PARD3B: variants seen among roughly 807,000 people sequenced by gnomAD.
PARD3B encodes the protein par-3 family cell polarity regulator beta.
A neutral mutation model predicts 130.2 loss-of-function variants in PARD3B; 103 were observed. The ratio of observed to expected loss-of-function variants is 0.79; its 90% CI spans 0.67 to 0.93. The LOEUF (loss-of-function observed/expected upper bound fraction) is 0.93, where lower values mean the gene tolerates loss of function less well. PARD3B is among the 40% of genes least tolerant of loss of function. The pLI is 0.00. For missense variants in PARD3B, 1,609 were observed against 1,499.2 expected, an observed-to-expected ratio of 1.07 and a Z score of -1.21; for synonymous variants, 583 against 553.2, an observed-to-expected ratio of 1.05 and a Z score of -0.76.
chr2:205,254,051 A>T (rs2039967000), intron 16 of PARD3B, among the ~76,000 whole-genome samples: 1 of 148,730 alleles, frequency 6.7e-6, no homozygotes, highest in Admixed American at 6.7e-5. Flanking sequence ...GTCACGTTGG[A>T]AGACACACAG....
At chr2:204,806,125 A>AG (rs1247380539) in intron 2 of PARD3B, among the ~76,000 whole-genome samples, 2 of 151,970 alleles carry the variant, frequency 1.3e-5, no homozygotes, top group South Asian at 2.1e-4. Context: ...TCAAAAAAAT[A>AG]GGGAAAAAAA....
chr2:204,841,762 C>G (rs1031193875), intron 2 of PARD3B, among the ~76,000 whole-genome samples: 10 of 152,040 alleles, frequency 6.6e-5, no homozygotes, highest in African/African-American at 1.9e-4. Flanking sequence ...AACTTAGGAT[C>G]TTTGTCCCTT....
chr2:205,037,858 A>G (rs528639221), intron 3 of PARD3B, among the ~76,000 whole-genome samples: 1 of 152,084 alleles, frequency 6.6e-6, no homozygotes, highest in African/African-American at 2.4e-5. Flanking sequence ...TAAATTTTAC[A>G]AAATTATATA....
At chr2:205,382,973 G>A (rs2045507410) in intron 18 of PARD3B, among the ~76,000 whole-genome samples, 1 of 151,950 alleles carries the variant, frequency 6.6e-6, no homozygotes, top group Non-Finnish European at 1.5e-5. Context: ...ACTTCTCCGA[G>A]GAAGTCTGGC....
chr2:205,417,901 C>G (rs1055840117), intron 19 of PARD3B, among the ~76,000 whole-genome samples: 1 of 152,196 alleles, frequency 6.6e-6, no homozygotes, highest in African/African-American at 2.4e-5. Flanking sequence ...TTTGTGTGCA[C>G]TTGAAAATCT....
rs932585803 is a variant in PARD3B, at chr2:205,475,747, G to A, written c.3045-24149G>A. ...GTCCTGCACATTTAGTGTGAGGAGC[G>A]TTGACTCCAGAAGCCTGCTCTTTGG... On this transcript the variant is annotated intron_variant, in intron 20 of 22. Coordinates refer to ENST00000406610, the MANE Select transcript of PARD3B (RefSeq NM_001302769.2). Among the ~76,000 whole-genome samples the A allele has an allele frequency of 1.1e-4, 16 of 152,274 alleles. 1 individual carries two copies. In the East Asian group the frequency reaches 2.1e-3, roughly 20 times the overall value.
chr2:205,615,542 C>T lies in PARD3B; in HGVS notation c.3347C>T (p.Ala1116Val), dbSNP rs139455955. The T allele has an allele frequency of 2.5e-5, 40 of 1,614,174 alleles. No individual in the cohort carries two copies. The East Asian group carries it at 6.0e-4, about 24-fold the overall frequency. The part of the protein sequence containing the change: ...KERELPYYPG[A>V]HPMHPPKGSY... Reference sequence around the variant, plus strand: ...AGGGAGCTTCCCTATTATCCAGGGGCTCATCCTATGCACCCTCCCAAAGGG... The same window carrying T: ...AGGGAGCTTCCCTATTATCCAGGGGTTCATCCTATGCACCCTCCCAAAGGG... The change falls in exon 23 of 23, where the codon GCT becomes GTT. Residue 1116 changes from alanine to valine, a missense_variant. Physicochemically the swap from Ala to Val is moderately conservative, Grantham distance 64. Transcript: ENST00000406610.
At chr2:205,173,878 C>T (rs1226689320) in intron 12 of PARD3B, among the ~76,000 whole-genome samples, 1 of 152,038 alleles carries the variant, frequency 6.6e-6, no homozygotes, top group South Asian at 2.1e-4. Flanking sequence ...CCATGGAACC[C>T]GTTTATTGGA....
intron 2 of PARD3B, among the ~76,000 whole-genome samples, chr2:204,737,172 A>T (rs2039794969): frequency 6.6e-6 from 1 of 152,102 alleles, no homozygotes; most frequent in African/African-American, 2.4e-5. Context: ...GGGTTTCTCC[A>T]TGTTGGTCAG....
At chr2:205,414,553 A>G (rs2046709289) in intron 19 of PARD3B, among the ~76,000 whole-genome samples, 1 of 152,162 alleles carries the variant, frequency 6.6e-6, no homozygotes, top group Non-Finnish European at 1.5e-5. Flanking sequence ...TACCTTGATT[A>G]TAATAGTATG....
At chr2:204,584,054 C>T (rs2125085295) in intron 1 of PARD3B, among the ~76,000 whole-genome samples, 1 of 152,310 alleles carries the variant, frequency 6.6e-6, no homozygotes, top group South Asian at 2.1e-4. Flanking sequence ...CCAGGCAAGG[C>T]TGGAGCCAGG....
At chr2:205,548,511 T>G (rs114038624) in intron 21 of PARD3B, among the ~76,000 whole-genome samples, 39 of 152,248 alleles carry the variant, frequency 2.6e-4, no homozygotes, top group Non-Finnish European at 4.9e-4. Flanking sequence ...TAATCCACAG[T>G]CAATCCTATT....
intron 1 of PARD3B, among the ~76,000 whole-genome samples, chr2:204,591,120 C>G (rs1241449931): frequency 6.6e-6 from 1 of 152,182 alleles, no homozygotes; most frequent in African/African-American, 2.4e-5. Flanking sequence ...ACCCAGCAAA[C>G]TATGTTTCTT....
At chr2:204,970,490 C>T (rs1322481456) in intron 3 of PARD3B, among the ~76,000 whole-genome samples, 1 of 152,166 alleles carries the variant, frequency 6.6e-6, no homozygotes, top group Non-Finnish European at 1.5e-5. Context: ...ATAAGCTGTC[C>T]TTTCTCCAAT....
In PARD3B at chr2:204,883,455, A is replaced by ATTTTT. The variant is rs1348171832; in HGVS notation, c.223-81690_223-81686dup. Among the ~76,000 whole-genome samples, 161 of 77,258 alleles carry ATTTTT rather than the reference A, an allele frequency of 2.1e-3. 1 individual carries two copies. Among genetic ancestry groups the ATTTTT allele is most frequent in the African/African-American group, 7.6e-3 (137 of 18,076 alleles). The allele number at this position is 77,258 out of a possible 152,430, so 50.7% of individuals were successfully genotyped here. ...ATAAAATATATATATATATATATAT[A>ATTTTT]TTTTTTTTTTTGAGACAGAGTCTCA... On this transcript the variant is annotated intron_variant, in intron 2 of 22. Transcript: ENST00000406610.
intron 21 of PARD3B, among the ~76,000 whole-genome samples, chr2:205,516,955 T>C (rs1211664814): frequency 6.6e-6 from 1 of 152,176 alleles, no homozygotes; most frequent in African/African-American, 2.4e-5. Flanking sequence ...ACCTAGTTTA[T>C]TGAGAGTTTT....
At chr2:205,395,754 T>A (rs1574911206) in intron 18 of PARD3B, among the ~76,000 whole-genome samples, 5 of 152,228 alleles carry the variant, frequency 3.3e-5, no homozygotes, top group Non-Finnish European at 7.3e-5. Context: ...GTTTTAATTA[T>A]GTTACTGCTT....
At chr2:204,810,375 G>C (rs571289272) in intron 2 of PARD3B, among the ~76,000 whole-genome samples, 1 of 152,270 alleles carries the variant, frequency 6.6e-6, no homozygotes, top group South Asian at 2.1e-4. Context: ...GATGTTGGCT[G>C]TGGGTTTGTC....
At chr2:205,491,067 T>C (rs537545540) in intron 20 of PARD3B, among the ~76,000 whole-genome samples, 253 of 152,328 alleles carry the variant, frequency 1.7e-3, no homozygotes, top group Non-Finnish European at 2.7e-3. Context: ...GCCTGTTCAC[T>C]CTGATGGTAG....
Sources: allele counts gnomAD v4.1 joint callset (sites outside exome capture counted in the v4.1 genomes callset), GRCh38; gene constraint gnomAD v4.1.1; transcripts MANE v1.5; gene names NCBI Gene and HGNC (gene_info 2026-07-23, HGNC 2026-07-21).